TMEM150A: variants seen among roughly 807,000 people sequenced by gnomAD.
TMEM150A encodes the protein transmembrane protein 150A, also known as fasting-inducible integral membrane protein TM6P1.
Under a neutral mutation model 29.8 loss-of-function variants are expected in TMEM150A, and 18 were observed. The ratio of observed to expected loss-of-function variants is 0.60; its 90% CI spans 0.42 to 0.90. TMEM150A has a LOEUF of 0.90. TMEM150A is among the 40% of genes least tolerant of loss of function. The probability of loss-of-function intolerance (pLI) is 0.00; values close to 1 mark genes in which losing one functional copy is unlikely to be tolerated. For synonymous variants in TMEM150A, 127 were observed against 143.6 expected, an observed-to-expected ratio of 0.88 and a Z score of 0.83; for missense variants, 251 against 349.7, an observed-to-expected ratio of 0.72 and a Z score of 2.25.
At position 85,601,557 on chromosome 2, in the gene TMEM150A, C is replaced by T. The variant is rs1672961372; in HGVS notation, c.66-75G>A. ...CCCACCCCATGACCCTTCTCTTCAA[C>T]CTTGATTTCTGGCCCCATTCAGCCT... is the stretch of plus-strand genomic sequence containing the variant. On this transcript the variant is annotated intron_variant, in intron 2 of 7. Coordinates refer to ENST00000334462, the MANE Select transcript of TMEM150A (RefSeq NM_001031738.3). The surrounding 1 kb of genome is among the most constrained non-coding windows in gnomAD (Gnocchi z 4.0). 2.0e-6 allele frequency: 3 copies of T among 1,535,392 alleles called. No individual in the cohort carries two copies. The South Asian group carries it at 3.5e-5, about 18-fold the overall frequency.
At position 85,602,076 on chromosome 2, in the gene TMEM150A, A is replaced by G; in HGVS notation, c.-116-12T>C. On this transcript the variant is annotated splice_polypyrimidine_tract_variant and intron_variant, in intron 1 of 7. Transcript: ENST00000334462. This position sits in a 1 kb window ranked among gnomAD's most constrained non-coding sequence, Gnocchi z 5.6. ...TCAGCTGTCCTGGCCTGGTGGAGAGAGATCAAAGTCCAGGAGTGGGTAACT... is the reference window on the plus strand; with the variant it reads ...TCAGCTGTCCTGGCCTGGTGGAGAGGGATCAAAGTCCAGGAGTGGGTAACT... 1 of 825,078 alleles carries G rather than the reference A, an allele frequency of 1.2e-6. No individual in the cohort carries two copies. The highest frequency in any genetic ancestry group is 2.5e-5 in the East Asian group (1 of 40,132). The allele number at this position is 825,078 out of a possible 1,614,324, so 51.1% of individuals were successfully genotyped here.
Position 85,599,459 on chromosome 2 carries a change from C to G in TMEM150A, c.574+66G>C. On this transcript the variant is annotated intron_variant, in intron 7 of 7. Coordinates refer to ENST00000334462, the MANE Select transcript of TMEM150A (RefSeq NM_001031738.3). This position sits in a 1 kb window ranked among gnomAD's most constrained non-coding sequence, Gnocchi z 6.0. ...GCAGTGTTAGGCCTCCACCCCCCAT[C>G]CTCTTGGGAGGGAGAAAGGTTGAGC... The G allele has an allele frequency of 6.4e-7, 1 of 1,568,660 alleles. No individual in the cohort carries two copies.
chr2:85,600,055 C>T (rs569111919), intron 5 of TMEM150A, 37 bp from the exon 6 acceptor site: 42 of 1,606,326 alleles, frequency 2.6e-5, no homozygotes, highest in Non-Finnish European at 3.1e-5. Flanking sequence ...CTTCCTCCAG[C>T]CCTGGCCCTG....
At chr2:85,600,254 G>T (rs1461033185) in intron 5 of TMEM150A, 91 bp downstream of exon 5, 2 of 1,472,592 alleles carry the variant, frequency 1.4e-6, no homozygotes, top group Admixed American at 1.7e-5. Flanking sequence ...AGCCCTTGGT[G>T]GGGAGGGCTG....
At position 85,599,398 on chromosome 2, in the gene TMEM150A, T is replaced by C; in HGVS notation, c.575-81A>G. ...CTTCTGCAGTCTCAGGCCTCACCTC[T>C]CCAAAGGGAGAGGTGTTAGTCCTCT... On this transcript the variant is annotated intron_variant, in intron 7 of 7. Coordinates refer to ENST00000334462, the MANE Select transcript of TMEM150A (RefSeq NM_001031738.3). This position sits in a 1 kb window ranked among gnomAD's most constrained non-coding sequence, Gnocchi z 6.0. 6.3e-7 allele frequency: 1 copy of C among 1,586,574 alleles called. No homozygotes were observed. The highest frequency in any genetic ancestry group is 1.2e-5 in the South Asian group (1 of 86,954).
In TMEM150A at chr2:85,599,675, C is replaced by T. The variant is rs1395235840; in HGVS notation, c.424G>A (p.Val142Ile). Residue 142 changes from valine to isoleucine, a missense_variant, in exon 7 of 8, where the codon GTT becomes ATT. Val to Ile is a conservative substitution (Grantham distance 29). Coordinates refer to ENST00000334462, the MANE Select transcript of TMEM150A (RefSeq NM_001031738.3). The surrounding 1 kb of genome is among the most constrained non-coding windows in gnomAD (Gnocchi z 6.0). The part of the protein sequence containing the change: ...QVDHARSLHY[V>I]GAGVAFPAGL... Reference sequence around the variant, plus strand: ...GCAGGGAAGGCCACGCCAGCTCCAACGTAGTGCAGAGACCTGGCATGATCC... The same window carrying T: ...GCAGGGAAGGCCACGCCAGCTCCAATGTAGTGCAGAGACCTGGCATGATCC... 4.5e-5 allele frequency: 73 copies of T among 1,613,324 alleles called. No individual in the cohort carries two copies. Among genetic ancestry groups the T allele is most frequent in the East Asian group, 6.7e-5 (3 of 44,896 alleles).
chr2:85,599,406 G>A lies in TMEM150A; in HGVS notation c.575-89C>T. ...GTCTCAGGCCTCACCTCTCCAAAGGGAGAGGTGTTAGTCCTCTCCCCCACA... is the reference window on the plus strand; with the variant it reads ...GTCTCAGGCCTCACCTCTCCAAAGGAAGAGGTGTTAGTCCTCTCCCCCACA... On this transcript the variant is annotated intron_variant, in intron 7 of 7. Coordinates refer to ENST00000334462, the MANE Select transcript of TMEM150A (RefSeq NM_001031738.3). This position sits in a 1 kb window ranked among gnomAD's most constrained non-coding sequence, Gnocchi z 6.0. 1 of 1,582,470 alleles carries A rather than the reference G, an allele frequency of 6.3e-7. No individual in the cohort carries two copies. The highest frequency in any genetic ancestry group is 1.2e-5 in the South Asian group (1 of 86,048).
chr2:85,599,253 C>T lies in TMEM150A; in HGVS notation c.639G>A (p.Val213=). 3 of 1,614,110 alleles carry T rather than the reference C, an allele frequency of 1.9e-6. No homozygotes were observed. The highest frequency in any genetic ancestry group is 2.5e-6 in the Non-Finnish European group (3 of 1,180,030). ...LQHGAALCEW[V]CVIDILIFYG... is the part of the protein sequence containing the mutation. The stretch of plus-strand genomic sequence containing the variant: ...AGAAAATGAGGATATCGATGACACA[C>T]ACCCACTCACACAGGGCTGCCCCAT... The change falls in exon 8 of 8, where the codon GTG becomes GTA. Residue 213 remains valine, a synonymous_variant. Coordinates refer to ENST00000334462, the MANE Select transcript of TMEM150A (RefSeq NM_001031738.3). The surrounding 1 kb of genome is among the most constrained non-coding windows in gnomAD (Gnocchi z 6.0).
At position 85,598,989 on chromosome 2, in the gene TMEM150A, C is replaced by G; in HGVS notation, c.*87G>C. On this transcript the variant is annotated 3_prime_UTR_variant, in exon 8 of 8. Transcript: ENST00000334462. ...AGCCCAGATCCCAACAGAATACTTTCTCAAAATTGTTTTTGGTACGAAATA... is the reference window on the plus strand; with the variant it reads ...AGCCCAGATCCCAACAGAATACTTTGTCAAAATTGTTTTTGGTACGAAATA... 1.3e-6 allele frequency: 2 copies of G among 1,546,558 alleles called. No individual in the cohort carries two copies. Among genetic ancestry groups the G allele is most frequent in the African/African-American group, 2.7e-5 (2 of 73,000 alleles).
chr2:85,599,185 G>A lies in TMEM150A; in HGVS notation c.707C>T (p.Thr236Ile), dbSNP rs1158410385. ...GGTAGGCTGCAGTGCAGCCACCAGT[G>A]TGTCTGAGGAGACTGCCCCAAACTC... ...SYEFGAVSSD[T>I]LVAALQPTPG... Residue 236 changes from threonine (T) to isoleucine (I), a missense_variant, in exon 8 of 8, where the codon ACA (threonine) becomes ATA (isoleucine). By Grantham distance (89) the Thr-to-Ile change is moderately conservative. Transcript: ENST00000334462. The surrounding 1 kb of genome is among the most constrained non-coding windows in gnomAD (Gnocchi z 6.0). 6.2e-7 allele frequency: 1 copy of A among 1,613,918 alleles called. No individual in the cohort carries two copies. The highest frequency in any genetic ancestry group is 8.5e-7 in the Non-Finnish European group (1 of 1,180,016).
chr2:85,598,819 G>A lies in TMEM150A; in HGVS notation c.*257C>T. Reference sequence around the variant, plus strand: ...GGAGTAGAAGGCACCTGAAGGGCTGGCTGGGTGAGTGAGGACAGGTGACCT... The same window carrying A: ...GGAGTAGAAGGCACCTGAAGGGCTGACTGGGTGAGTGAGGACAGGTGACCT... On this transcript the variant is annotated 3_prime_UTR_variant, in exon 8 of 8. Coordinates refer to ENST00000334462, the MANE Select transcript of TMEM150A (RefSeq NM_001031738.3). 4.2e-6 allele frequency: 2 copies of A among 474,580 alleles called. No homozygotes were observed. Among genetic ancestry groups the A allele is most frequent in the Non-Finnish European group, 7.7e-6 (2 of 261,000 alleles). 29.4% of individuals were successfully genotyped at this position (474,580 alleles called of 1,614,324 possible).
At position 85,599,952 on chromosome 2, in the gene TMEM150A, G is replaced by A. The variant is rs1672838101; in HGVS notation, c.335C>T (p.Thr112Ile). The change falls in exon 6 of 8, where the codon ACC becomes ATC. Residue 112 changes from threonine to isoleucine, a missense_variant. Thr to Ile is a moderately conservative substitution (Grantham distance 89, BLOSUM62 -1). Transcript: ENST00000334462. This position sits in a 1 kb window ranked among gnomAD's most constrained non-coding sequence, Gnocchi z 6.0. Reference sequence around the variant, plus strand: ...GGTGCAGCCTGTGATGAGTGCCGTGGTGTTAACCCAAGAGTGCCGACTCTG... The same window carrying A: ...GGTGCAGCCTGTGATGAGTGCCGTGATGTTAACCCAAGAGTGCCGACTCTG... ...LEQSRHSWVN[T>I]TALITGCTNA... The A allele has an allele frequency of 6.2e-7, 1 of 1,613,410 alleles. No individual in the cohort carries two copies.
Position 85,601,698 on chromosome 2 carries a change from T to G in TMEM150A, c.65+186A>C. Reference sequence around the variant, plus strand: ...AAATTGCCCTGGCTAGAAGTATATTTGTCAGGGCCACCCTGCTGGACAGCA... The same window carrying G: ...AAATTGCCCTGGCTAGAAGTATATTGGTCAGGGCCACCCTGCTGGACAGCA... On this transcript the variant is annotated intron_variant, in intron 2 of 7. Transcript: ENST00000334462. The surrounding 1 kb of genome is among the most constrained non-coding windows in gnomAD (Gnocchi z 4.0). 1.1e-6 allele frequency: 1 copy of G among 869,838 alleles called. No homozygotes were observed. The highest frequency in any genetic ancestry group is 1.8e-6 in the Non-Finnish European group (1 of 542,554). 53.9% of individuals were successfully genotyped at this position (869,838 alleles called of 1,614,324 possible).
rs1673035656 is a variant in TMEM150A at position 85,602,549 on chromosome 2, C to T, written c.-117+58G>A. ...CGGCGACCCCCCAGGACCCGGGACG[C>T]GAGAGTCCCCAGGTGATTCCTGGAA... On this transcript the variant is annotated intron_variant, in intron 1 of 7. Transcript: ENST00000334462. This position sits in a 1 kb window ranked among gnomAD's most constrained non-coding sequence, Gnocchi z 5.6. 6.6e-6 allele frequency: 1 copy of T among 151,864 alleles called. No individual in the cohort carries two copies. Among genetic ancestry groups the T allele is most frequent in the Non-Finnish European group, 1.5e-5 (1 of 67,952 alleles). 9.4% of individuals were successfully genotyped at this position (151,864 alleles called of 1,614,324 possible). A position where few individuals can be genotyped will look rare whatever the true frequency, so the allele number is the denominator to read the frequency against.
Position 85,601,224 on chromosome 2 carries a change from C to T in TMEM150A, c.114-117G>A. 1.6e-6 allele frequency: 2 copies of T among 1,235,890 alleles called. No individual in the cohort carries two copies. Among genetic ancestry groups the T allele is most frequent in the Non-Finnish European group, 2.3e-6 (2 of 853,616 alleles). 76.6% of individuals were successfully genotyped at this position (1,235,890 alleles called of 1,614,324 possible). On this transcript the variant is annotated intron_variant, in intron 3 of 7. Coordinates refer to ENST00000334462, the MANE Select transcript of TMEM150A (RefSeq NM_001031738.3). The surrounding 1 kb of genome is among the most constrained non-coding windows in gnomAD (Gnocchi z 4.0). Reference sequence around the variant, plus strand: ...GACCTCCCCTACAGGGACAGAAGATCCCACTCCCCAGTGCCCGCCTGAAGC... The same window carrying T: ...GACCTCCCCTACAGGGACAGAAGATTCCACTCCCCAGTGCCCGCCTGAAGC...
chr2:85,602,121 A>G lies in TMEM150A; in HGVS notation c.-116-57T>C. On this transcript the variant is annotated intron_variant, in intron 1 of 7. Coordinates refer to ENST00000334462, the MANE Select transcript of TMEM150A (RefSeq NM_001031738.3). The surrounding 1 kb of genome is among the most constrained non-coding windows in gnomAD (Gnocchi z 5.6). ...GTAACTGGCCGGGAAGGGGGAGGGGAAGGGGGTCAACACCTTATCCAGCGC... is the reference window on the plus strand; with the variant it reads ...GTAACTGGCCGGGAAGGGGGAGGGGGAGGGGGTCAACACCTTATCCAGCGC... The G allele has an allele frequency of 1.6e-6, 1 of 616,930 alleles. No homozygotes were observed. The highest frequency in any genetic ancestry group is 3.0e-6 in the Non-Finnish European group (1 of 337,014). 38.2% of individuals were successfully genotyped at this position (616,930 alleles called of 1,614,324 possible).
chr2:85,601,651 C>T lies in TMEM150A; in HGVS notation c.66-169G>A. 2.4e-6 allele frequency: 2 copies of T among 837,482 alleles called. No homozygotes were observed. Among genetic ancestry groups the T allele is most frequent in the Non-Finnish European group, 3.8e-6 (2 of 528,736 alleles). The allele number at this position is 837,482 out of a possible 1,614,324, so 51.9% of individuals were successfully genotyped here. A position where few individuals can be genotyped will look rare whatever the true frequency, so the allele number is the denominator to read the frequency against. On this transcript the variant is annotated intron_variant, in intron 2 of 7. Transcript: ENST00000334462. This position sits in a 1 kb window ranked among gnomAD's most constrained non-coding sequence, Gnocchi z 4.0. The stretch of plus-strand genomic sequence containing the variant: ...ATGCCACACCAGCACCTGCAGCATG[C>T]CCCCAGCTACAGGCCCTCTGGAAAT...
At position 85,601,461 on chromosome 2, in the gene TMEM150A, G is replaced by A. The variant is rs961747763; in HGVS notation, c.87C>T (p.Asn29=). 1.9e-6 allele frequency: 3 copies of A among 1,613,294 alleles called. No individual in the cohort carries two copies. The highest frequency in any genetic ancestry group is 2.5e-6 in the Non-Finnish European group (3 of 1,179,952). The change falls in exon 3 of 8, where the codon AAC becomes AAT. Residue 29 remains asparagine, a synonymous_variant. Coordinates refer to ENST00000334462, the MANE Select transcript of TMEM150A (RefSeq NM_001031738.3). This position sits in a 1 kb window ranked among gnomAD's most constrained non-coding sequence, Gnocchi z 4.0. ...IWTVYAMAVM[N]HHVCPVENWS... The stretch of plus-strand genomic sequence containing the variant: ...AGTTCTCCACAGGGCATACATGGTG[G>A]TTCATCACAGCCATGGCATACCTGT...
chr2:85,598,890 C>G lies in TMEM150A; in HGVS notation c.*186G>C, dbSNP rs1056563972. On this transcript the variant is annotated 3_prime_UTR_variant, in exon 8 of 8. Coordinates refer to ENST00000334462, the MANE Select transcript of TMEM150A (RefSeq NM_001031738.3). ...TGGGGTGGGGAAGCAGGTCATGCAG[C>G]TGTGGCAGCTGGCAGGGCCCACTCC... 6 of 823,348 alleles carry G rather than the reference C, an allele frequency of 7.3e-6. No homozygotes were observed. In the African/African-American group the frequency reaches 1.0e-4, roughly 14 times the overall value. 51.0% of individuals were successfully genotyped at this position (823,348 alleles called of 1,614,324 possible).
Sources: gnomAD v4.1 joint callset for allele counts on GRCh38, gnomAD v4.1.1 for gene constraint, Gnocchi (gnomAD v3.1) non-coding constraint, MANE v1.5 for transcripts, NCBI Gene and HGNC (gene_info 2026-07-23, HGNC 2026-07-21) for gene names.